TTC3: variants seen among roughly 807,000 people sequenced by gnomAD.
The protein encoded by TTC3 is tetratricopeptide repeat domain 3.
Under a neutral mutation model 249.6 loss-of-function variants are expected in TTC3, and 180 were observed. That is an observed-to-expected ratio of 0.72 (90% CI 0.64 to 0.82). The LOEUF (loss-of-function observed/expected upper bound fraction) is 0.82, where lower values mean the gene tolerates loss of function less well. Ranked by LOEUF, TTC3 falls within the 40% of genes least tolerant of loss-of-function variation. The pLI is 0.00. For missense variants in TTC3, 2,061 were observed against 2,398.4 expected (o/e 0.86, Z 2.94); for synonymous variants, 717 against 805.0 (o/e 0.89, Z 1.85).
At chr21:37,135,160 A>G (rs1334245189) in intron 17 of TTC3, among the ~76,000 whole-genome samples, 2 of 152,258 alleles carry the variant, frequency 1.3e-5, no homozygotes, top group African/African-American at 4.8e-5. Flanking sequence ...TGTCACAGGC[A>G]ACAGAAGAGG....
intron 30 of TTC3, among the ~76,000 whole-genome samples, chr21:37,161,408 C>T (rs1465831183): frequency 5.3e-5 from 8 of 152,116 alleles, no homozygotes; most frequent in South Asian, 2.1e-4. Context: ...CCCGAGTAGC[C>T]GGAATGACAG....
intron 8 of TTC3, among the ~76,000 whole-genome samples, chr21:37,094,401 TA>T (rs1345474142): frequency 1.3e-5 from 2 of 152,202 alleles, no homozygotes; most frequent in Admixed American, 1.3e-4. Flanking sequence ...CTCAATTTTA[TA>T]AAAGGAATTT....
chr21:37,138,755 T>C (rs376913984), intron 19 of TTC3, 41 bp downstream of exon 19: 22 of 1,313,126 alleles, frequency 1.7e-5, no homozygotes, highest in Non-Finnish European at 2.2e-5. Flanking sequence ...TAAAATGATA[T>C]TGACATATCT....
rs1400807200 is a variant in TTC3 at position 37,151,879 on chromosome 21, TAA to T, written c.2277-12_2277-11del. The T allele has an allele frequency of 6.4e-7, 1 of 1,561,724 alleles. No homozygotes were observed. The highest frequency in any genetic ancestry group is 1.2e-5 in the South Asian group (1 of 81,254). On this transcript the variant is annotated splice_polypyrimidine_tract_variant and intron_variant, in intron 25 of 45. Transcript: ENST00000355666. ...CAGTTCATTGAGTTGTCACTAATTG[TAA>T]ATGTTTATCAGCCTAGAGAAACTAA... is the stretch of plus-strand genomic sequence containing the variant.
intron 19 of TTC3, among the ~76,000 whole-genome samples, chr21:37,139,863 G>A (rs1468670392): frequency 6.6e-6 from 1 of 152,124 alleles, no homozygotes; most frequent in Non-Finnish European, 1.5e-5. Flanking sequence ...TTTCATCAGA[G>A]GACAGCCCTT....
intron 44 of TTC3, among the ~76,000 whole-genome samples, 185 bp downstream of exon 44, chr21:37,198,210 C>T (rs1382185318): frequency 6.6e-6 from 1 of 152,162 alleles, no homozygotes; most frequent in African/African-American, 2.4e-5. Context: ...GTCATGGTGT[C>T]TGCTGTGATA....
intron 13 of TTC3, among the ~76,000 whole-genome samples, chr21:37,124,217 G>A (rs752855703): frequency 2.9e-5 from 4 of 136,038 alleles, no homozygotes; most frequent in Admixed American, 8.5e-5. Context: ...CTGGGTTCAA[G>A]CAGGTCTCCT....
intron 40 of TTC3, among the ~76,000 whole-genome samples, 156 bp downstream of exon 40, chr21:37,191,580 T>G (rs1172892205): frequency 4.6e-5 from 7 of 152,144 alleles, no homozygotes; most frequent in Non-Finnish European, 2.9e-5. Context: ...AACTAATGGT[T>G]TTGTTTTGTT....
exon 1 of TTC3, chr21:37,073,345 C>A: frequency 1.2e-6 from 1 of 854,002 alleles, no homozygotes; most frequent in Non-Finnish European, 1.4e-6. Flanking sequence ...GCGTCCGAGG[C>A]TCGCGGGCGG....
chr21:37,160,486 AAT>A (rs2080599489), intron 29 of TTC3, among the ~76,000 whole-genome samples: 1 of 152,174 alleles, frequency 6.6e-6, no homozygotes, highest in African/African-American at 2.4e-5. Context: ...ATTAATAATA[AAT>A]TTACTATTAT....
At chr21:37,135,469 G>T in exon 18 of TTC3, 1 of 1,613,998 alleles carries the variant, frequency 6.2e-7, no homozygotes, top group Non-Finnish European at 8.5e-7. Flanking sequence ...GCGCTGCACA[G>T]GCCTTTACAG....
Position 37,198,043 on chromosome 21 carries a change from G to A in TTC3, c.5850+18G>A. 6.5e-7 allele frequency: 1 copy of A among 1,549,084 alleles called. No homozygotes were observed. The highest frequency in any genetic ancestry group is 8.7e-7 in the Non-Finnish European group (1 of 1,147,370). ...TGAGGATTGTATGTATAACTGTATA[G>A]TTTTGTTTTTTAATGAAAAACAAGA... On this transcript the variant is annotated intron_variant, in intron 44 of 45. Transcript: ENST00000355666.
chr21:37,198,088 C>G, intron 44 of TTC3, 63 bp downstream of exon 44: 4 of 1,506,842 alleles, frequency 2.7e-6, no homozygotes, highest in Non-Finnish European at 2.7e-6. Flanking sequence ...AATTTTTAAT[C>G]CATGATTTAG....
chr21:37,164,258 G>A (rs781587197), intron 32 of TTC3, 43 bp downstream of exon 32: 2 of 1,461,516 alleles, frequency 1.4e-6, no homozygotes, highest in South Asian at 2.8e-5. Flanking sequence ...TTATACTAAG[G>A]CTGCCAATTA....
At chr21:37,177,846 AT>A (rs138154320) in intron 35 of TTC3, among the ~76,000 whole-genome samples, 1 of 152,334 alleles carries the variant, frequency 6.6e-6, no homozygotes, top group African/African-American at 2.4e-5. Flanking sequence ...ATAGCATAAC[AT>A]TTACCTATTA....
intron 34 of TTC3, among the ~76,000 whole-genome samples, chr21:37,168,522 G>A (rs1249359322): frequency 6.6e-6 from 1 of 152,026 alleles, no homozygotes; most frequent in Non-Finnish European, 1.5e-5. Flanking sequence ...ATACTTAAAT[G>A]TATATAAAGA....
At chr21:37,199,019 G>C (rs374870435) in intron 44 of TTC3, among the ~76,000 whole-genome samples, 1 of 152,058 alleles carries the variant, frequency 6.6e-6, no homozygotes, top group Non-Finnish European at 1.5e-5. Flanking sequence ...GCTCTTCCCC[G>C]GTCTGGCACT....
At chr21:37,158,078 C>T (rs923415428) in intron 28 of TTC3, 1 of 979,232 alleles carries the variant, frequency 1.0e-6, no homozygotes, top group Non-Finnish European at 1.2e-6. Flanking sequence ...CTTTTGACAA[C>T]AAAAGTTCTT....
At chr21:37,113,879 T>C (rs2075893802) in intron 11 of TTC3, among the ~76,000 whole-genome samples, 1 of 152,064 alleles carries the variant, frequency 6.6e-6, no homozygotes, top group South Asian at 2.1e-4. Flanking sequence ...TCAGAAATAG[T>C]GCCACATATC....
Sources: gnomAD v4.1 joint callset for allele counts (sites outside exome capture counted in the v4.1 genomes callset) on GRCh38, gnomAD v4.1.1 for gene constraint, MANE v1.5 for transcripts, NCBI Gene and HGNC (gene_info 2026-07-23, HGNC 2026-07-21) for gene names.